OTUD7A: variants seen among roughly 807,000 people sequenced by gnomAD.
OTUD7A encodes the protein OTU deubiquitinase 7A, also known as OTU domain-containing protein 7A.
Under a neutral mutation model 65.7 loss-of-function variants are expected in OTUD7A, and 12 were observed. The observed-to-expected ratio is 0.18, with a 90% CI of 0.12 to 0.30. The LOEUF (loss-of-function observed/expected upper bound fraction) is 0.30, where lower values mean the gene tolerates loss of function less well. OTUD7A is among the 10% of genes least tolerant of loss of function. OTUD7A has a pLI of 1.00. For missense variants in OTUD7A, 1,148 were observed against 1,304.8 expected (o/e 0.88, Z 1.85); for synonymous variants, 641 against 586.3 (o/e 1.09, Z -1.35).
intron 5 of OTUD7A, among the ~76,000 whole-genome samples, chr15:31,552,606 G>C (rs1253961056): frequency 1.3e-5 from 2 of 152,214 alleles, no homozygotes; most frequent in African/African-American, 2.4e-5. Flanking sequence ...TCACAGAGGA[G>C]AGCCTGACGC....
intron 1 of OTUD7A, among the ~76,000 whole-genome samples, chr15:31,662,348 G>A (rs1892189136): frequency 6.6e-6 from 1 of 152,194 alleles, no homozygotes; most frequent in African/African-American, 2.4e-5. Context: ...ACTTGGACAA[G>A]TTGGTTCACT....
intron 5 of OTUD7A, among the ~76,000 whole-genome samples, chr15:31,538,042 C>G (rs1293454574): frequency 1.3e-5 from 2 of 152,316 alleles, no homozygotes; most frequent in East Asian, 1.9e-4. Context: ...TTCATACGTC[C>G]AAGACGATCT....
chr15:31,628,950 G>C (rs1433214575), intron 3 of OTUD7A, among the ~76,000 whole-genome samples: 1 of 152,214 alleles, frequency 6.6e-6, no homozygotes, highest in Non-Finnish European at 1.5e-5. Context: ...TTTGTATCCT[G>C]AGACTTTGTT....
At chr15:31,616,298 G>C (rs1410428662) in intron 3 of OTUD7A, among the ~76,000 whole-genome samples, 12 of 152,158 alleles carry the variant, frequency 7.9e-5, no homozygotes. Flanking sequence ...GGTTGAATCA[G>C]GCAGACCTTG....
intron 8 of OTUD7A, among the ~76,000 whole-genome samples, chr15:31,514,130 T>C (rs7167827): frequency 0.75 from 111,901 of 149,690 alleles, 42,351 homozygotes; most frequent in African/African-American, 0.86. Context: ...CATAGCTCAC[T>C]GCAGCCTCGA....
At chr15:31,507,638 GGGC>G (rs1022325497) in intron 8 of OTUD7A, among the ~76,000 whole-genome samples, 11 of 11,742 alleles carry the variant, frequency 9.4e-4, no homozygotes, top group African/African-American at 5.6e-3. Context: ...GCTGGCTGGG[GGGC>G]GGGGGTGGCA....
intron 4 of OTUD7A, among the ~76,000 whole-genome samples, chr15:31,563,554 A>C (rs774720558): frequency 6.6e-6 from 1 of 152,156 alleles, no homozygotes; most frequent in Non-Finnish European, 1.5e-5. Flanking sequence ...TCCTCTCCCC[A>C]GCATGGCTCC....
intron 8 of OTUD7A, among the ~76,000 whole-genome samples, chr15:31,520,058 C>G (rs927719309): frequency 9.9e-5 from 15 of 152,162 alleles, no homozygotes; most frequent in African/African-American, 3.6e-4. Context: ...ATTAAAATGA[C>G]TATATTGCTA....
chr15:31,636,032 A>T (rs1891330672), intron 3 of OTUD7A, among the ~76,000 whole-genome samples: 1 of 152,262 alleles, frequency 6.6e-6, no homozygotes, highest in Non-Finnish European at 1.5e-5. Flanking sequence ...TAATCGCTTT[A>T]TACAATTGAC....
intron 3 of OTUD7A, among the ~76,000 whole-genome samples, chr15:31,628,520 G>A (rs955993673): frequency 1.3e-5 from 2 of 152,190 alleles, no homozygotes; most frequent in African/African-American, 4.8e-5. Context: ...TTGAAGTCAG[G>A]TAGGGTGATG....
At chr15:31,596,236 CAGTA>C (rs1367996409) in intron 3 of OTUD7A, among the ~76,000 whole-genome samples, 1 of 152,182 alleles carries the variant, frequency 6.6e-6, no homozygotes, top group African/African-American at 2.4e-5. Context: ...TGGAATCATG[CAGTA>C]AGTGTCTTCC....
intron 1 of OTUD7A, among the ~76,000 whole-genome samples, chr15:31,751,592 T>A (rs904191421): frequency 6.6e-6 from 1 of 152,272 alleles, no homozygotes; most frequent in East Asian, 1.9e-4. Context: ...TAAATTGTAC[T>A]ACCCAAAAGA....
At chr15:31,674,246 G>T (rs1281902201) in intron 1 of OTUD7A, among the ~76,000 whole-genome samples, 2 of 152,188 alleles carry the variant, frequency 1.3e-5, no homozygotes, top group African/African-American at 2.4e-5. Context: ...AGATACCCCA[G>T]TGTGTCCAGG....
At chr15:31,624,907 AG>A (rs767729459) in intron 3 of OTUD7A, among the ~76,000 whole-genome samples, 3 of 152,126 alleles carry the variant, frequency 2.0e-5, no homozygotes, top group Non-Finnish European at 2.9e-5. Flanking sequence ...CCTCCAAGAT[AG>A]CCCCCAAGGA....
intron 1 of OTUD7A, among the ~76,000 whole-genome samples, chr15:31,811,179 T>C (rs1896404332): frequency 6.6e-6 from 1 of 151,964 alleles, no homozygotes; most frequent in Non-Finnish European, 1.5e-5. Flanking sequence ...GAAAATATAA[T>C]AATACTTCTA....
At chr15:31,642,063 T>C (rs949385207) in intron 3 of OTUD7A, among the ~76,000 whole-genome samples, 13 of 152,204 alleles carry the variant, frequency 8.5e-5, no homozygotes, top group African/African-American at 2.9e-4. Context: ...AAATACTTTA[T>C]ATAAGATTGA....
At chr15:31,563,339 C>G (rs1888755728) in intron 4 of OTUD7A, among the ~76,000 whole-genome samples, 1 of 152,182 alleles carries the variant, frequency 6.6e-6, no homozygotes, top group Non-Finnish European at 1.5e-5. Flanking sequence ...AAGACCGAGC[C>G]AAGGACTGGA....
chr15:31,833,257 G>T (rs995935084), intron 1 of OTUD7A, among the ~76,000 whole-genome samples: 2 of 152,190 alleles, frequency 1.3e-5, no homozygotes, highest in Admixed American at 1.3e-4. Flanking sequence ...GAATGCCCAG[G>T]GATGGCAGTG....
At chr15:31,570,658 C>T (rs922522713) in intron 3 of OTUD7A, among the ~76,000 whole-genome samples, 1 of 152,154 alleles carries the variant, frequency 6.6e-6, no homozygotes, top group African/African-American at 2.4e-5. Flanking sequence ...TTAATATGAG[C>T]GAAGCAGAAG....
Sources: gnomAD v4.1 joint callset for allele counts (sites outside exome capture counted in the v4.1 genomes callset) on GRCh38, gnomAD v4.1.1 for gene constraint, MANE v1.5 for transcripts, NCBI Gene and HGNC (gene_info 2026-07-23, HGNC 2026-07-21) for gene names.